The following SNCAIP variants were observed in gnomAD, a reference collection of about 807,000 sequenced individuals.
The protein encoded by SNCAIP is synuclein alpha interacting protein.
In SNCAIP, 43 loss-of-function variants were observed where a neutral mutation model predicts 86.7. The ratio of observed to expected loss-of-function variants is 0.50; its 90% CI spans 0.39 to 0.64. The LOEUF (loss-of-function observed/expected upper bound fraction) is 0.64. SNCAIP is among the 30% of genes least tolerant of loss of function. SNCAIP has a pLI of 0.00. For missense variants in SNCAIP, 981 were observed against 1,103.1 expected (o/e 0.89, Z 1.57); for synonymous variants, 417 against 427.2 (o/e 0.98, Z 0.29).
In SNCAIP at chr5:122,425,420, G is replaced by A. The variant is rs368356435; in HGVS notation, c.1071G>A (p.Ala357=). The A allele has an allele frequency of 1.2e-4, 192 of 1,613,672 alleles. No homozygotes were observed. Among genetic ancestry groups the A allele is most frequent in the Non-Finnish European group, 1.5e-4 (177 of 1,179,766 alleles). Residue 357 remains alanine (A), a synonymous_variant, in exon 5 of 11, where the codon GCG becomes GCA. Transcript: ENST00000261368. ...DENGNNLLHI[A]ASQGHAECLQ... is the part of the protein sequence containing the mutation. Reference sequence around the variant, plus strand: ...ATGGAAACAATCTATTACATATTGCGGCGTCACAGGGACACGCAGAGTGTC... The same window carrying A: ...ATGGAAACAATCTATTACATATTGCAGCGTCACAGGGACACGCAGAGTGTC...
chr5:122,322,161 A>G (rs535383151), intron 1 of SNCAIP, among the ~76,000 whole-genome samples: 1 of 152,064 alleles, frequency 6.6e-6, no homozygotes, highest in African/African-American at 2.4e-5. Flanking sequence ...AGTCATCACT[A>G]CTCCCTCTGA....
At chr5:122,392,014 A>C (rs1769480054) in intron 2 of SNCAIP, among the ~76,000 whole-genome samples, 1 of 152,130 alleles carries the variant, frequency 6.6e-6, no homozygotes, top group African/African-American at 2.4e-5. Context: ...CAAGTTCACA[A>C]CTTCTAACCT....
chr5:122,395,739 T>C (rs2152852213), intron 2 of SNCAIP, among the ~76,000 whole-genome samples: 1 of 152,242 alleles, frequency 6.6e-6, no homozygotes, highest in African/African-American at 2.4e-5. Flanking sequence ...TTTGTTACAT[T>C]TTGAGAAAGA....
chr5:122,354,441 C>T (rs550226472), intron 1 of SNCAIP, among the ~76,000 whole-genome samples: 3 of 152,198 alleles, frequency 2.0e-5, no homozygotes, highest in Admixed American at 6.5e-5. Flanking sequence ...TATTTCTGTG[C>T]GGGTAGACTC....
At chr5:122,376,161 C>G (rs975092600) in intron 1 of SNCAIP, among the ~76,000 whole-genome samples, 5 of 152,108 alleles carry the variant, frequency 3.3e-5, no homozygotes, top group African/African-American at 1.2e-4. Context: ...AATAACTCAT[C>G]TAGGATTGCT....
chr5:122,369,821 G>A (rs1763928611), intron 1 of SNCAIP: 1 of 152,110 alleles, frequency 6.6e-6, no homozygotes, highest in African/African-American at 2.4e-5. Context: ...TCCTCAATGG[G>A]ACTCTTCAGG....
At chr5:122,316,990 C>A (rs554966587) in intron 1 of SNCAIP, among the ~76,000 whole-genome samples, 131 of 152,284 alleles carry the variant, frequency 8.6e-4, no homozygotes, top group Non-Finnish European at 1.4e-3. Flanking sequence ...AAGTCTAAAA[C>A]CCCTGAAGAC....
At chr5:122,344,808 A>G (rs984168142) in intron 1 of SNCAIP, among the ~76,000 whole-genome samples, 1 of 152,212 alleles carries the variant, frequency 6.6e-6, no homozygotes, top group African/African-American at 2.4e-5. Flanking sequence ...CTTGATTTAT[A>G]CTTATTTTTT....
At chr5:122,421,686 G>T (rs1776383311) in intron 3 of SNCAIP, among the ~76,000 whole-genome samples, 1 of 152,152 alleles carries the variant, frequency 6.6e-6, no homozygotes, top group Admixed American at 6.5e-5. Context: ...TCCTTTGATG[G>T]GGGATGATAG....
At chr5:122,421,978 A>G (rs1776451883) in intron 3 of SNCAIP, among the ~76,000 whole-genome samples, 1 of 147,884 alleles carries the variant, frequency 6.8e-6, no homozygotes, top group Non-Finnish European at 1.5e-5. Context: ...AAACCAACAC[A>G]CAATCTTTAT....
intron 1 of SNCAIP, among the ~76,000 whole-genome samples, chr5:122,318,861 A>G (rs1752354223): frequency 6.6e-6 from 1 of 152,124 alleles, no homozygotes; most frequent in African/African-American, 2.4e-5. Context: ...TTTAATAATT[A>G]ATATTTATGA....
chr5:122,405,717 T>C (rs557532261), intron 3 of SNCAIP, among the ~76,000 whole-genome samples: 78 of 152,360 alleles, frequency 5.1e-4, no homozygotes, highest in African/African-American at 1.8e-3. Context: ...GTCAGCATTT[T>C]CCCTGATTAA....
intron 10 of SNCAIP, among the ~76,000 whole-genome samples, chr5:122,459,341 G>A (rs533921690): frequency 3.2e-4 from 48 of 152,302 alleles, no homozygotes; most frequent in African/African-American, 1.0e-3. Flanking sequence ...ATGCCTAGAA[G>A]AGTCAGCAAG....
At chr5:122,367,394 A>T (rs1429485739) in intron 1 of SNCAIP, among the ~76,000 whole-genome samples, 2 of 152,240 alleles carry the variant, frequency 1.3e-5, no homozygotes, top group East Asian at 3.8e-4. Context: ...ACAAGAAAGT[A>T]GCAATGGTAA....
At chr5:122,315,662 T>C (rs1580711336) in intron 1 of SNCAIP, among the ~76,000 whole-genome samples, 1 of 152,184 alleles carries the variant, frequency 6.6e-6, no homozygotes, top group East Asian at 1.9e-4. Flanking sequence ...GGTTAAGTAA[T>C]TGTCCAGTAA....
chr5:122,385,497 G>A (rs1767918265), intron 1 of SNCAIP, among the ~76,000 whole-genome samples: 1 of 152,162 alleles, frequency 6.6e-6, no homozygotes, highest in African/African-American at 2.4e-5. Context: ...TTGCTTCCTT[G>A]CCAGCCAAGC....
At chr5:122,335,966 T>C (rs1053899526) in intron 1 of SNCAIP, among the ~76,000 whole-genome samples, 7 of 152,204 alleles carry the variant, frequency 4.6e-5, no homozygotes, top group African/African-American at 1.7e-4. Context: ...GACAATGCCC[T>C]TTCTAGTAGC....
rs1256611756 is a variant in SNCAIP, at chr5:122,391,207, T to C, written c.57+16T>C. Reference sequence around the variant, plus strand: ...TGACATATCTGTAAGTACCACTGTATACAAGAAATGCTTTCAAGATAATCT... The same window carrying C: ...TGACATATCTGTAAGTACCACTGTACACAAGAAATGCTTTCAAGATAATCT... On this transcript the variant is annotated intron_variant, in intron 2 of 10. Transcript: ENST00000261368. The C allele has an allele frequency of 6.4e-7, 1 of 1,563,776 alleles. No individual in the cohort carries two copies. The highest frequency in any genetic ancestry group is 1.1e-5 in the South Asian group (1 of 90,046).
intron 2 of SNCAIP, among the ~76,000 whole-genome samples, chr5:122,391,890 G>A (rs946849407): frequency 6.6e-6 from 1 of 152,154 alleles, no homozygotes; most frequent in Admixed American, 6.5e-5. Flanking sequence ...ATTCTGCTAC[G>A]CTAGCAAACA....
Sources: allele counts gnomAD v4.1 joint callset (sites outside exome capture counted in the v4.1 genomes callset), GRCh38; gene constraint gnomAD v4.1.1; transcripts MANE v1.5; gene names NCBI Gene and HGNC (gene_info 2026-07-23, HGNC 2026-07-21).